ANKIB1: variants seen among roughly 807,000 people sequenced by gnomAD.
ANKIB1 encodes ankyrin repeat and IBR domain-containing protein 1.
ANKIB1 carries 43 observed loss-of-function variants against 122.1 expected under a neutral mutation model. The ratio of observed to expected loss-of-function variants is 0.35; its 90% CI spans 0.28 to 0.45. The LOEUF (loss-of-function observed/expected upper bound fraction) is 0.45, where lower values mean the gene tolerates loss of function less well. Ranked by LOEUF, ANKIB1 falls within the 20% of genes least tolerant of loss-of-function variation. ANKIB1 has a pLI of 1.00. For synonymous variants in ANKIB1, 390 were observed against 442.0 expected (o/e 0.88, Z 1.48); for missense variants, 992 against 1,329.5 (o/e 0.75, Z 3.95).
At chr7:92,256,024 A>G (rs1463307357) in intron 1 of ANKIB1, among the ~76,000 whole-genome samples, 2 of 152,242 alleles carry the variant, frequency 1.3e-5, no homozygotes, top group Non-Finnish European at 2.9e-5. Context: ...AGTTGAGTGT[A>G]GTATCAAGTT....
Position 92,400,219 on chromosome 7 carries a change from A to G in ANKIB1, c.*1270A>G, listed in dbSNP as rs1216754160. On this transcript the variant is annotated 3_prime_UTR_variant, in exon 20 of 20. Coordinates refer to ENST00000265742, the MANE Select transcript of ANKIB1 (RefSeq NM_019004.2). ...GCAAATGCTGACATGTGTTTGTTCT[A>G]CTGCGCAATACTCATTTGCTGTGTG... 3.9e-5 allele frequency: 6 copies of G among 152,232 alleles called. No homozygotes were observed. Among genetic ancestry groups the G allele is most frequent in the Non-Finnish European group, 8.8e-5 (6 of 68,030 alleles). 9.4% of individuals were successfully genotyped at this position (152,232 alleles called of 1,614,324 possible).
At chr7:92,272,193 CCT>C (rs1279768618) in intron 1 of ANKIB1, among the ~76,000 whole-genome samples, 1 of 151,640 alleles carries the variant, frequency 6.6e-6, no homozygotes, top group Non-Finnish European at 1.5e-5. Context: ...GTATATTTTA[CCT>C]CAATTAAAAA....
chr7:92,359,152 A>G (rs1803888572), intron 9 of ANKIB1, among the ~76,000 whole-genome samples: 1 of 152,126 alleles, frequency 6.6e-6, no homozygotes, highest in African/African-American at 2.4e-5. Context: ...TACACATGCC[A>G]TGGTGGTTTG....
intron 5 of ANKIB1, among the ~76,000 whole-genome samples, chr7:92,342,127 C>G (rs1000775580): frequency 1.3e-5 from 2 of 151,678 alleles, no homozygotes; most frequent in African/African-American, 2.4e-5. Flanking sequence ...AATGTGCCTA[C>G]AGTGAATAAT....
chr7:92,277,977 A>T (rs1270753840), intron 1 of ANKIB1, among the ~76,000 whole-genome samples: 1 of 151,950 alleles, frequency 6.6e-6, no homozygotes, highest in Non-Finnish European at 1.5e-5. Flanking sequence ...CTAGCTACTC[A>T]GGAAGCTGAG....
At chr7:92,396,590 T>C in intron 18 of ANKIB1, 114 bp downstream of exon 18, 1 of 623,624 alleles carries the variant, frequency 1.6e-6, no homozygotes, top group Non-Finnish European at 2.9e-6. Context: ...ACAATAAATA[T>C]GCAGATGTTT....
At chr7:92,274,789 TA>T (rs1216374018) in intron 1 of ANKIB1, among the ~76,000 whole-genome samples, 3 of 150,122 alleles carry the variant, frequency 2.0e-5, no homozygotes, top group Non-Finnish European at 4.5e-5. Flanking sequence ...ACCCTGTCAC[TA>T]AAAAAAAAAT....
chr7:92,396,469 C>T lies in ANKIB1; in HGVS notation c.2388C>T (p.Ser796=), dbSNP rs1186518949. ...NPPDPDEPSE[S]TLDIPEGGSS... ...CAGACCCTGATGAGCCAAGTGAAAG[C>T]ACTTTAGGTAAGTCCTTGCATTGAG... The change falls in exon 18 of 20, where the codon AGC becomes AGT. Residue 796 remains serine (S), a synonymous_variant. Transcript: ENST00000265742. 3.9e-6 allele frequency: 6 copies of T among 1,539,102 alleles called. No individual in the cohort carries two copies. The highest frequency in any genetic ancestry group is 5.3e-6 in the Non-Finnish European group (6 of 1,124,046).
chr7:92,310,442 T>A (rs1026794794), intron 3 of ANKIB1, among the ~76,000 whole-genome samples: 1 of 152,168 alleles, frequency 6.6e-6, no homozygotes, highest in African/African-American at 2.4e-5. Context: ...TATACTCTTG[T>A]CCAACCTTAG....
intron 1 of ANKIB1, among the ~76,000 whole-genome samples, chr7:92,249,676 C>T (rs1323351697): frequency 6.6e-6 from 1 of 151,562 alleles, no homozygotes; most frequent in Non-Finnish European, 1.5e-5. Flanking sequence ...GCTGAGATCG[C>T]ACCATTGCAC....
chr7:92,265,196 C>T (rs912577993), intron 1 of ANKIB1, among the ~76,000 whole-genome samples: 4 of 152,018 alleles, frequency 2.6e-5, no homozygotes, highest in African/African-American at 9.7e-5. Context: ...CCAGGCTGGT[C>T]TTGAACTCCT....
chr7:92,384,413 A>T lies in ANKIB1; in HGVS notation c.1618-2096A>T, dbSNP rs560925510. 2.6e-5 allele frequency among the ~76,000 whole-genome samples: 4 copies of T among 152,372 alleles called. No homozygotes were observed. In the South Asian group the frequency reaches 8.3e-4, roughly 32 times the overall value. On this transcript the variant is annotated intron_variant, in intron 11 of 19. Coordinates refer to ENST00000265742, the MANE Select transcript of ANKIB1 (RefSeq NM_019004.2). ...TAAAGTTCATAGGGAACCAAAAAAGATCCCACATTGCCAAGACAATCCTAA... is the reference window on the plus strand; with the variant it reads ...TAAAGTTCATAGGGAACCAAAAAAGTTCCCACATTGCCAAGACAATCCTAA...
chr7:92,370,029 G>T (rs1468047212), intron 10 of ANKIB1, among the ~76,000 whole-genome samples: 1 of 152,188 alleles, frequency 6.6e-6, no homozygotes, highest in Admixed American at 6.5e-5. Context: ...AGTTTGATTA[G>T]GGATGGAGGG....
intron 1 of ANKIB1, among the ~76,000 whole-genome samples, chr7:92,262,318 G>A (rs543106382): frequency 1.3e-5 from 2 of 152,270 alleles, no homozygotes; most frequent in African/African-American, 2.4e-5. Flanking sequence ...ATGTCAACAT[G>A]CATAGTAATA....
intron 1 of ANKIB1, among the ~76,000 whole-genome samples, chr7:92,249,134 T>C (rs1801266675): frequency 6.6e-6 from 1 of 152,174 alleles, no homozygotes; most frequent in Non-Finnish European, 1.5e-5. Flanking sequence ...GTGATCCGCC[T>C]GCCTTGGCCT....
intron 2 of ANKIB1, among the ~76,000 whole-genome samples, chr7:92,303,980 A>AT (rs897477302): frequency 5.9e-5 from 9 of 151,638 alleles, no homozygotes; most frequent in Admixed American, 1.3e-4. Flanking sequence ...AAAGGGATGG[A>AT]TTTTTTCCCC....
chr7:92,291,015 T>A (rs573937983), intron 1 of ANKIB1, among the ~76,000 whole-genome samples: 1 of 152,174 alleles, frequency 6.6e-6, no homozygotes, highest in Non-Finnish European at 1.5e-5. Flanking sequence ...ATAATTGGGC[T>A]GGGTGCAGTG....
At chr7:92,291,605 C>CTGT (rs1802252398) in intron 1 of ANKIB1, among the ~76,000 whole-genome samples, 1 of 136,920 alleles carries the variant, frequency 7.3e-6, no homozygotes. Flanking sequence ...GAGTCTTACA[C>CTGT]TGTGGCCTGG....
At chr7:92,361,449 A>G (rs1803943041) in intron 9 of ANKIB1, among the ~76,000 whole-genome samples, 1 of 152,242 alleles carries the variant, frequency 6.6e-6, no homozygotes, top group Admixed American at 6.5e-5. Context: ...TTGATAAAAT[A>G]TAGATTCTAA....
Sources: gnomAD v4.1 joint callset for allele counts (sites outside exome capture counted in the v4.1 genomes callset) on GRCh38, gnomAD v4.1.1 for gene constraint, MANE v1.5 for transcripts, NCBI Gene and HGNC (gene_info 2026-07-23, HGNC 2026-07-21) for gene names.